BMPR1A: variants seen among roughly 807,000 people sequenced by gnomAD.
The protein encoded by BMPR1A is bone morphogenetic protein receptor type 1A, also known as bone morphogenetic protein receptor type-1A.
Under a neutral mutation model 66.0 loss-of-function variants are expected in BMPR1A, and 7 were observed. The ratio of observed to expected loss-of-function variants is 0.11; its 90% CI spans 0.06 to 0.20. The LOEUF is 0.20. Among genes scored for constraint, BMPR1A ranks in the 10% least tolerant of loss-of-function variants. The pLI is 1.00. For missense variants in BMPR1A, 408 were observed against 669.1 expected, an observed-to-expected ratio of 0.61 and a Z score of 4.31; for synonymous variants, 200 against 229.7, an observed-to-expected ratio of 0.87 and a Z score of 1.17.
chr10:86,786,423 G>A (rs892711737), intron 1 of BMPR1A, among the ~76,000 whole-genome samples: 4 of 151,982 alleles, frequency 2.6e-5, no homozygotes, highest in Admixed American at 1.3e-4. Context: ...CTGCTCTTGC[G>A]AGGTCAGCTC....
At chr10:86,875,225 T>C (rs2133316227) in intron 2 of BMPR1A, among the ~76,000 whole-genome samples, 1 of 151,746 alleles carries the variant, frequency 6.6e-6, no homozygotes, top group South Asian at 2.1e-4. Flanking sequence ...ATACAAAAAT[T>C]AGCCGAGTGT....
chr10:86,877,309 G>A (rs1039885368), intron 3 of BMPR1A, among the ~76,000 whole-genome samples: 1 of 150,942 alleles, frequency 6.6e-6, no homozygotes, highest in African/African-American at 2.4e-5. Flanking sequence ...CCGGGTTCAC[G>A]CCATTCTCTT....
chr10:86,798,860 G>C (rs1420658826), intron 1 of BMPR1A, among the ~76,000 whole-genome samples: 1 of 152,284 alleles, frequency 6.6e-6, no homozygotes, highest in East Asian at 1.9e-4. Context: ...TGGGGAATCC[G>C]ACTTGTTTTA....
At chr10:86,896,507 C>A (rs951765385) in intron 5 of BMPR1A, among the ~76,000 whole-genome samples, 1 of 151,898 alleles carries the variant, frequency 6.6e-6, no homozygotes, top group African/African-American at 2.4e-5. Context: ...TACTTTAGGA[C>A]GTAATTATCA....
chr10:86,885,610 C>G (rs79293804), intron 3 of BMPR1A, among the ~76,000 whole-genome samples: 22 of 152,230 alleles, frequency 1.4e-4, no homozygotes, highest in Admixed American at 1.4e-3. Context: ...CACCTTTTCC[C>G]TAGTTCTTGC....
At chr10:86,909,231 C>G (rs995386820) in intron 7 of BMPR1A, among the ~76,000 whole-genome samples, 5 of 151,992 alleles carry the variant, frequency 3.3e-5, no homozygotes, top group Admixed American at 1.3e-4. Context: ...GTCATATTCC[C>G]CAGTGTAAGG....
intron 1 of BMPR1A, among the ~76,000 whole-genome samples, chr10:86,830,498 TTGG>T (rs1564697550): frequency 6.6e-6 from 1 of 152,212 alleles, no homozygotes; most frequent in Non-Finnish European, 1.5e-5. Flanking sequence ...GTGTCCACAT[TTGG>T]TGTTGTCACT....
chr10:86,887,284 C>T (rs554248778), intron 3 of BMPR1A, among the ~76,000 whole-genome samples: 12 of 152,176 alleles, frequency 7.9e-5, no homozygotes, highest in African/African-American at 1.2e-4. Context: ...CATAATAGAC[C>T]CCTACTAAGT....
intron 2 of BMPR1A, among the ~76,000 whole-genome samples, chr10:86,845,768 C>T (rs1842476248): frequency 6.6e-6 from 1 of 152,148 alleles, no homozygotes; most frequent in East Asian, 1.9e-4. Context: ...GAGGCTGAGG[C>T]GAGTGGATCA....
At chr10:86,903,637 A>C (rs895366262) in intron 7 of BMPR1A, among the ~76,000 whole-genome samples, 1 of 151,756 alleles carries the variant, frequency 6.6e-6, no homozygotes, top group Non-Finnish European at 1.5e-5. Context: ...TTTGAGACAG[A>C]GTCTCGCTCT....
At position 86,890,063 on chromosome 10, in the gene BMPR1A, A is replaced by G. The variant is rs780227469; in HGVS notation, c.69A>G (p.Gly23=). ...TACAAATTCCATATTTGAATGCAGG[A>G]CAGAATCTGGATAGTATGCTTCATG... ...AYLFIISRVQ[G]QNLDSMLHGT... The change falls in exon 4 of 13, where the codon GGA becomes GGG. Residue 23 remains glycine (G), a splice_region_variant and synonymous_variant. Transcript: ENST00000372037. 2 of 1,612,758 alleles carry G rather than the reference A, an allele frequency of 1.2e-6. No individual in the cohort carries two copies. The highest frequency in any genetic ancestry group is 1.7e-6 in the Non-Finnish European group (2 of 1,179,952).
upstream of BMPR1A, chr10:86,756,594 C>T (rs1847866069): frequency 6.6e-6 from 1 of 151,084 alleles, no homozygotes; most frequent in African/African-American, 2.4e-5. Context: ...GCCCCCGCAC[C>T]CGCGCCGCCC....
intron 1 of BMPR1A, among the ~76,000 whole-genome samples, chr10:86,800,280 T>C (rs188404089): frequency 1.1e-3 from 160 of 152,256 alleles, no homozygotes; most frequent in African/African-American, 3.8e-3. Flanking sequence ...TGCCCGGCTC[T>C]CAGTTGCCAT....
chr10:86,839,592 CA>C (rs1210538965), intron 2 of BMPR1A, among the ~76,000 whole-genome samples: 5,867 of 72,922 alleles, frequency 0.08, 37 homozygotes, highest in African/African-American at 0.11. Flanking sequence ...GACTCTGTCT[CA>C]AAAAAAAAAA....
intron 2 of BMPR1A, among the ~76,000 whole-genome samples, chr10:86,840,563 C>T (rs556972545): frequency 4.6e-5 from 7 of 151,772 alleles, no homozygotes; most frequent in Non-Finnish European, 8.8e-5. Flanking sequence ...TCATGATTTC[C>T]GCAATTATCT....
At position 86,923,665 on chromosome 10, in the gene BMPR1A, G is replaced by A; in HGVS notation, c.1545G>A (p.Leu515=). 1.2e-6 allele frequency: 2 copies of A among 1,614,236 alleles called. No homozygotes were observed. Among genetic ancestry groups the A allele is most frequent in the South Asian group, 1.1e-5 (1 of 91,086 alleles). ...ATCCAGCCTCCAGACTCACAGCATT[G>A]AGAATTAAGAAGACGCTTGCCAAGA... ...AHNPASRLTA[L]RIKKTLAKMV... is the part of the protein sequence containing the mutation. The change falls in exon 13 of 13, where the codon TTG becomes TTA. Residue 515 remains leucine (L), a synonymous_variant. Transcript: ENST00000372037.
intron 3 of BMPR1A, among the ~76,000 whole-genome samples, chr10:86,886,671 A>T (rs896929969): frequency 6.6e-6 from 1 of 151,968 alleles, no homozygotes; most frequent in African/African-American, 2.4e-5. Context: ...CTTTCCTGTT[A>T]CTTTTCTTTG....
chr10:86,893,827 A>AC (rs1213433804), intron 5 of BMPR1A, among the ~76,000 whole-genome samples: 5 of 152,138 alleles, frequency 3.3e-5, no homozygotes, highest in Non-Finnish European at 5.9e-5. Context: ...ATGGATAGAA[A>AC]CCTTAAAGGT....
intron 1 of BMPR1A, among the ~76,000 whole-genome samples, chr10:86,770,369 A>C (rs1204513063): frequency 6.7e-6 from 1 of 149,906 alleles, no homozygotes; most frequent in African/African-American, 2.5e-5. Context: ...CTATGATCTT[A>C]TCACTGCACT....
Sources: allele counts gnomAD v4.1 joint callset (sites outside exome capture counted in the v4.1 genomes callset), GRCh38; gene constraint gnomAD v4.1.1; transcripts MANE v1.5; gene names NCBI Gene and HGNC (gene_info 2026-07-23, HGNC 2026-07-21).